RTN1: variants seen among roughly 807,000 people sequenced by gnomAD.
The protein encoded by RTN1 is reticulon 1, also known as reticulon-1.
A neutral mutation model predicts 65.5 loss-of-function variants in RTN1; 25 were observed. The ratio of observed to expected loss-of-function variants is 0.38; its 90% confidence interval spans 0.28 to 0.53. The LOEUF is 0.53. Ranked by LOEUF, RTN1 falls within the 20% of genes least tolerant of loss-of-function variation. The probability of loss-of-function intolerance (pLI) is 0.79; values close to 1 mark genes in which losing one functional copy is unlikely to be tolerated. For missense variants in RTN1, 983 were observed against 1,025.4 expected, an observed-to-expected ratio of 0.96 and a Z score of 0.57; for synonymous variants, 471 against 447.6, an observed-to-expected ratio of 1.05 and a Z score of -0.66.
chr14:59,619,460 C>T (rs1211546313), intron 3 of RTN1, among the ~76,000 whole-genome samples: 1 of 152,154 alleles, frequency 6.6e-6, no homozygotes, highest in East Asian at 1.9e-4. Flanking sequence ...GTCACAGTAG[C>T]CCTCAGTTAA....
intron 3 of RTN1, among the ~76,000 whole-genome samples, chr14:59,687,512 T>C (rs1423452468): frequency 6.6e-6 from 1 of 151,816 alleles, no homozygotes; most frequent in Non-Finnish European, 1.5e-5. Context: ...CAGCCCATCC[T>C]TCCTGTGCAG....
intron 1 of RTN1, among the ~76,000 whole-genome samples, chr14:59,796,587 G>A (rs1055325990): frequency 7.2e-5 from 11 of 152,042 alleles, no homozygotes; most frequent in Non-Finnish European, 2.9e-5. Flanking sequence ...ACTTGTAGTT[G>A]CATGAACATT....
At chr14:59,844,868 T>C (rs181943755) in intron 1 of RTN1, among the ~76,000 whole-genome samples, 8 of 152,222 alleles carry the variant, frequency 5.3e-5, no homozygotes, top group South Asian at 2.1e-4. Flanking sequence ...TTCTAATACA[T>C]CTTACTAGCT....
chr14:59,761,543 G>A (rs560080436), intron 1 of RTN1, among the ~76,000 whole-genome samples: 23 of 152,258 alleles, frequency 1.5e-4, no homozygotes, highest in African/African-American at 5.3e-4. Flanking sequence ...TCCAGTCTCA[G>A]GTATGTCCTT....
intron 3 of RTN1, among the ~76,000 whole-genome samples, chr14:59,661,293 A>C (rs1297894227): frequency 6.6e-6 from 1 of 151,122 alleles, no homozygotes; most frequent in Non-Finnish European, 1.5e-5. Flanking sequence ...CAGGACCATA[A>C]GGATTCACAG....
chr14:59,674,457 G>GC (rs1883577710), intron 3 of RTN1, among the ~76,000 whole-genome samples: 1 of 152,218 alleles, frequency 6.6e-6, no homozygotes, highest in African/African-American at 2.4e-5. Flanking sequence ...TCTTTCAAAT[G>GC]CTTGGTTTCT....
chr14:59,646,618 A>AGAGATT (rs374268738), intron 3 of RTN1, among the ~76,000 whole-genome samples: 127 of 152,334 alleles, frequency 8.3e-4, no homozygotes, highest in African/African-American at 3.0e-3. Context: ...ACAAGCCTGA[A>AGAGATT]GAGATTGGGG....
chr14:59,742,136 AG>A (rs745618555), intron 2 of RTN1, among the ~76,000 whole-genome samples: 10 of 152,254 alleles, frequency 6.6e-5, no homozygotes, highest in Middle Eastern at 3.2e-3. Context: ...AAAAATGGGT[AG>A]GAGAATCATA....
intron 1 of RTN1, among the ~76,000 whole-genome samples, chr14:59,777,164 T>C (rs764535107): frequency 2.6e-5 from 4 of 152,134 alleles, no homozygotes; most frequent in Non-Finnish European, 4.4e-5. Flanking sequence ...CCTTGTGCTG[T>C]CTTTGGTCCG....
At chr14:59,628,308 T>A (rs1416269466) in intron 3 of RTN1, among the ~76,000 whole-genome samples, 1 of 152,100 alleles carries the variant, frequency 6.6e-6, no homozygotes, top group Non-Finnish European at 1.5e-5. Context: ...CCTTCGTGGT[T>A]TTTAAAGCTT....
chr14:59,703,027 C>T (rs1407864674), intron 3 of RTN1, among the ~76,000 whole-genome samples: 3 of 152,108 alleles, frequency 2.0e-5, no homozygotes, highest in African/African-American at 4.8e-5. Flanking sequence ...AGTTCTTTGC[C>T]TTCCTTAAAT....
At chr14:59,707,235 G>A (rs1042863059) in intron 3 of RTN1, among the ~76,000 whole-genome samples, 2 of 152,230 alleles carry the variant, frequency 1.3e-5, no homozygotes, top group South Asian at 4.1e-4. Context: ...TAATGACAAG[G>A]GTCTATCTTT....
Position 59,749,420 on chromosome 14 carries a change from CTATATATCTATATATATCTATATCTA to C in RTN1, c.242-2965_242-2940del, listed in dbSNP as rs1566711823. 5.7e-5 allele frequency among the ~76,000 whole-genome samples: 2 copies of C among 34,936 alleles called. 1 individual carries two copies. Among genetic ancestry groups the C allele is most frequent in the Non-Finnish European group, 8.8e-5 (2 of 22,740 alleles). The allele number at this position is 34,936 out of a possible 152,430, so 22.9% of individuals were successfully genotyped here. On this transcript the variant is annotated intron_variant, in intron 1 of 8. Transcript: ENST00000267484. ...TATATATATCTATATCTATATATAT[CTATATATCTATATATATCTATATCTA>C]TATATATCTATATATATCTAATCTA...
intron 2 of RTN1, among the ~76,000 whole-genome samples, chr14:59,742,440 A>G (rs924765997): frequency 1.3e-5 from 2 of 152,134 alleles, no homozygotes; most frequent in Non-Finnish European, 1.5e-5. Context: ...CTTAAAAGAG[A>G]CTTCCAGTAT....
chr14:59,756,489 C>T (rs193163490), intron 1 of RTN1, among the ~76,000 whole-genome samples: 1 of 152,152 alleles, frequency 6.6e-6, no homozygotes, highest in Non-Finnish European at 1.5e-5. Context: ...CCACCACTAT[C>T]TTCTAATTCA....
chr14:59,636,174 C>T (rs1014891540), intron 3 of RTN1, among the ~76,000 whole-genome samples: 3 of 152,170 alleles, frequency 2.0e-5, no homozygotes, highest in Non-Finnish European at 4.4e-5. Flanking sequence ...GGATATTTTT[C>T]CCCTCCAAAT....
chr14:59,728,249 CTTTT>C lies in RTN1; in HGVS notation c.1016-585_1016-582del, dbSNP rs200434592. ...TTATATTTCCAATAAGAATCAGTATCTTTTTTTTTTTTTTTTTTTTTTTTTGCAA... is the reference window on the plus strand; with the variant it reads ...TTATATTTCCAATAAGAATCAGTATCTTTTTTTTTTTTTTTTTTTTTGCAA... On this transcript the variant is annotated intron_variant, in intron 2 of 8. Transcript: ENST00000267484. Among the ~76,000 whole-genome samples, 744 of 124,014 alleles carry C rather than the reference CTTTT, an allele frequency of 6.0e-3. 3 individuals carry two copies. The highest frequency in any genetic ancestry group is 0.021 in the African/African-American group (718 of 33,460). The allele number at this position is 124,014 out of a possible 152,430, so 81.4% of individuals were successfully genotyped here.
chr14:59,763,290 C>T (rs980445427), intron 1 of RTN1, among the ~76,000 whole-genome samples: 4 of 152,152 alleles, frequency 2.6e-5, no homozygotes, highest in South Asian at 2.1e-4. Flanking sequence ...TTTGCTCCTC[C>T]GAGCTATCGC....
chr14:59,778,851 A>T (rs1262948648), intron 1 of RTN1, among the ~76,000 whole-genome samples: 1 of 152,180 alleles, frequency 6.6e-6, no homozygotes, highest in Non-Finnish European at 1.5e-5. Context: ...GTGCAGGAAC[A>T]CAGGTTATGA....
Sources: gnomAD v4.1 joint callset for allele counts (sites outside exome capture counted in the v4.1 genomes callset) on GRCh38, gnomAD v4.1.1 for gene constraint, MANE v1.5 for transcripts, NCBI Gene and HGNC (gene_info 2026-07-23, HGNC 2026-07-21) for gene names.